ABCC10: variants seen among roughly 807,000 people sequenced by gnomAD.
The protein encoded by ABCC10 is ATP-binding cassette sub-family C member 10.
In ABCC10, 110 loss-of-function variants were observed where a neutral mutation model predicts 143.2. That is an observed-to-expected ratio of 0.77 (90% confidence interval 0.66 to 0.90). The LOEUF (loss-of-function observed/expected upper bound fraction) is 0.90. Among genes scored for constraint, ABCC10 ranks in the 40% least tolerant of loss-of-function variants. The pLI is 0.00. For synonymous variants in ABCC10, 805 were observed against 846.7 expected, an observed-to-expected ratio of 0.95 and a Z score of 0.85; for missense variants, 1,700 against 1,900.5, an observed-to-expected ratio of 0.89 and a Z score of 1.96.
chr6:43,434,827 G>T lies in ABCC10; in HGVS notation c.1587G>T (p.Gly529=), dbSNP rs73424616. 542 of 1,614,012 alleles carry T rather than the reference G, an allele frequency of 3.4e-4. 3 individuals are homozygous for T. The African/African-American group carries it at 5.8e-3, about 17-fold the overall frequency. The change falls in exon 4 of 22, where the codon GGG becomes GGT. Residue 529 remains glycine (G), a synonymous_variant. Coordinates refer to ENST00000372530, the MANE Select transcript of ABCC10 (RefSeq NM_001198934.2). ...IVIFITYVLM[G]HQLTATKVFT... The stretch of plus-strand genomic sequence containing the variant: ...TCTTCATCACCTATGTCCTCATGGG[G>T]CACCAGCTCACTGCCACCAAGGTGA...
At chr6:43,430,779 G>A (rs1024937983) in intron 2 of ABCC10, 1 of 148,246 alleles carries the variant, frequency 6.7e-6, no homozygotes, top group Non-Finnish European at 1.5e-5. Flanking sequence ...CTGGAGTACA[G>A]TGGCACGATC....
rs1349639824 is a variant in ABCC10, at chr6:43,437,986, T to C, written c.1928T>C (p.Leu643Pro). Residue 643 changes from leucine to proline, a missense_variant, in exon 7 of 22, where the codon CTG (leucine) becomes CCG (proline). By Grantham distance (98) the Leu-to-Pro change is moderately conservative (BLOSUM62 -3). Transcript: ENST00000372530. ...GTCGGCTGTGGGAAGAGCTCCCTGC[T>C]GGCTGCCATCGCTGGAGAGCTCCAC... The part of the protein sequence containing the change: ...GKVGCGKSSL[L>P]AAIAGELHRL... 1 of 1,613,294 alleles carries C rather than the reference T, an allele frequency of 6.2e-7. No individual in the cohort carries two copies. The highest frequency in any genetic ancestry group is 1.3e-5 in the African/African-American group (1 of 75,054).
At position 43,441,926 on chromosome 6, in the gene ABCC10, G is replaced by A. The variant is rs202093450; in HGVS notation, c.2192G>A (p.Arg731His). Residue 731 changes from arginine to histidine, a missense_variant, in exon 9 of 22, where the codon CGT becomes CAT. Transcript: ENST00000372530. Reference sequence around the variant, plus strand: ...GGTGTCACCCTTAGCGGAGGACAGCGTGCCCGGATTGCCCTTGCTCGTGCT... The same window carrying A: ...GGTGTCACCCTTAGCGGAGGACAGCATGCCCGGATTGCCCTTGCTCGTGCT... Reference protein sequence around the residue: ...EKGVTLSGGQRARIALARAVY... With the variant: ...EKGVTLSGGQHARIALARAVY... 66 of 1,613,838 alleles carry A rather than the reference G, an allele frequency of 4.1e-5. No individual in the cohort carries two copies. The highest frequency in any genetic ancestry group is 3.1e-4 in the South Asian group (28 of 91,078).
chr6:43,450,464 G>A (rs1291286116), downstream of ABCC10: 1 of 1,480,624 alleles, frequency 6.8e-7, no homozygotes, highest in African/African-American at 1.4e-5. This position sits in a 1 kb window ranked among gnomAD's most constrained non-coding sequence, Gnocchi z 4.5. Flanking sequence ...CCAAGCTGAA[G>A]GGTGGTGAGA....
Position 43,450,075 on chromosome 6 carries a change from C to T in ABCC10, c.4463C>T (p.Ser1488Leu). 1 of 1,603,682 alleles carries T rather than the reference C, an allele frequency of 6.2e-7. No homozygotes were observed. The highest frequency in any genetic ancestry group is 2.2e-5 in the East Asian group (1 of 44,738). Residue 1488 changes from serine (S) to leucine (L), a missense_variant, in exon 22 of 22, where the codon TCA (serine) becomes TTA (leucine). By Grantham distance (145) the Ser-to-Leu change is moderately radical. Transcript: ENST00000372530. The surrounding 1 kb of genome is among the most constrained non-coding windows in gnomAD (Gnocchi z 4.5). ...AGCAGCCAGCAGGGAGTCCCTGCCT[C>T]ACTCGGAGGTCCCTGAGCCCAATCC... Reference protein sequence around the residue: ...LQSSQQGVPASLGGP With the variant: ...LQSSQQGVPALLGGP
At position 43,449,130 on chromosome 6, in the gene ABCC10, G is replaced by A. The variant is rs779237275; in HGVS notation, c.4129G>A (p.Glu1377Lys). ...SMGGLDGELG[E>K]GGRSLSLGQR... ...AGGTGGTCTGGATGGTGAGCTGGGT[G>A]AGGGGGGCCGGAGCTTATCTCTTGG... Residue 1377 changes from glutamate (E) to lysine (K), a missense_variant, in exon 20 of 22, where the codon GAG becomes AAG. Transcript: ENST00000372530. 5 of 1,614,200 alleles carry A rather than the reference G, an allele frequency of 3.1e-6. No homozygotes were observed. In the South Asian group the frequency reaches 5.5e-5, roughly 18 times the overall value.
chr6:43,451,643 T>A (rs747776877), downstream of ABCC10, among the ~76,000 whole-genome samples: 4 of 152,064 alleles, frequency 2.6e-5, no homozygotes, highest in Non-Finnish European at 5.9e-5. The surrounding 1 kb of genome is among the most constrained non-coding windows in gnomAD (Gnocchi z 4.4). Context: ...CAGGAGAGGA[T>A]GAGGAGAGAC....
At position 43,450,320 on chromosome 6, in the gene ABCC10, G is replaced by A. The variant is rs921920073; in HGVS notation, c.*229G>A. The A allele has an allele frequency of 1.2e-5, 10 of 833,388 alleles. No individual in the cohort carries two copies. Among genetic ancestry groups the A allele is most frequent in the East Asian group, 2.9e-5 (1 of 34,664 alleles). The allele number at this position is 833,388 out of a possible 1,614,324, so 51.6% of individuals were successfully genotyped here. On this transcript the variant is annotated 3_prime_UTR_variant, in exon 22 of 22. Coordinates refer to ENST00000372530, the MANE Select transcript of ABCC10 (RefSeq NM_001198934.2). This position sits in a 1 kb window ranked among gnomAD's most constrained non-coding sequence, Gnocchi z 4.5. ...GCTCTGGCCCTCTTGCATCTGGAAC[G>A]CCAGGTGGGTTTTTCTGGCATAGGA... is the stretch of plus-strand genomic sequence containing the variant.
chr6:43,438,660 G>A lies in ABCC10; in HGVS notation c.1992G>A (p.Lys664=). The A allele has an allele frequency of 6.2e-7, 1 of 1,614,182 alleles. No homozygotes were observed. Among genetic ancestry groups the A allele is most frequent in the Non-Finnish European group, 8.5e-7 (1 of 1,180,036 alleles). ...RGHVAVRGLS[K]GFGLATQEPW... is the part of the protein sequence containing the mutation. The stretch of plus-strand genomic sequence containing the variant: ...ATGTGGCAGTGCGGGGGCTGTCCAA[G>A]GGCTTTGGCCTGGCCACCCAGGAAC... The change falls in exon 8 of 22, where the codon AAG becomes AAA. Residue 664 remains lysine, a synonymous_variant. Transcript: ENST00000372530.
In ABCC10 at chr6:43,445,810, T is replaced by C; in HGVS notation, c.3242T>C (p.Val1081Ala). 6.2e-7 allele frequency: 1 copy of C among 1,614,086 alleles called. No individual in the cohort carries two copies. Among genetic ancestry groups the C allele is most frequent in the Non-Finnish European group, 8.5e-7 (1 of 1,180,022 alleles). The change falls in exon 15 of 22, where the codon GTG becomes GCG. Residue 1081 changes from valine to alanine, a missense_variant. By Grantham distance (64) the Val-to-Ala change is moderately conservative. Transcript: ENST00000372530. ...CCTTTGAGCATCATGTACTATCACG[T>C]GCAGCGCCACTACAGGGCCTCCTCA... ...LPPLSIMYYH[V>A]QRHYRASSRE... is the part of the protein sequence containing the mutation.
rs112626300 is a variant in ABCC10 at position 43,432,795 on chromosome 6, G to A, written c.815G>A (p.Arg272Gln). The change falls in exon 3 of 22, where the codon CGG becomes CAG. Residue 272 changes from arginine to glutamine, a missense_variant. Arg to Gln is a conservative substitution (Grantham distance 43). Transcript: ENST00000372530. ...CAGGCACACTGGCAGGAGGGGGCAC[G>A]GCTGTGGAGGGCCTTGTATGGGGCC... is the stretch of plus-strand genomic sequence containing the variant. Reference protein sequence around the residue: ...VFQAHWQEGARLWRALYGAFG... With the variant: ...VFQAHWQEGAQLWRALYGAFG... 18 of 1,614,178 alleles carry A rather than the reference G, an allele frequency of 1.1e-5. No homozygotes were observed. Among genetic ancestry groups the A allele is most frequent in the African/African-American group, 1.1e-4 (8 of 75,060 alleles).
intron 6 of ABCC10, 82 bp from the exon 7 acceptor site, chr6:43,437,852 G>C: frequency 7.2e-7 from 1 of 1,396,482 alleles, no homozygotes. Context: ...AGGACTGGCA[G>C]CCCAGAGTGT....
chr6:43,449,379 C>T, intron 20 of ABCC10, 43 bp from the exon 21 acceptor site: 1 of 1,542,396 alleles, frequency 6.5e-7, no homozygotes. Flanking sequence ...CACCCTGCAG[C>T]CTCTCCTTCC....
chr6:43,450,163 G>A lies in ABCC10; in HGVS notation c.*72G>A. ...CCGGGCCTATACAGAGGTGCTGGCT[G>A]CTTGTTTACATTCTCCTCTGGGGCT... On this transcript the variant is annotated 3_prime_UTR_variant, in exon 22 of 22. Transcript: ENST00000372530. This position sits in a 1 kb window ranked among gnomAD's most constrained non-coding sequence, Gnocchi z 4.5. The A allele has an allele frequency of 3.4e-6, 5 of 1,483,210 alleles. No individual in the cohort carries two copies. The highest frequency in any genetic ancestry group is 4.5e-6 in the Non-Finnish European group (5 of 1,101,570). 91.9% of individuals were successfully genotyped at this position (1,483,210 alleles called of 1,614,324 possible). A position where few individuals can be genotyped will look rare whatever the true frequency, so the allele number is the denominator to read the frequency against.
Position 43,443,959 on chromosome 6 carries a change from G to A in ABCC10, c.2443G>A (p.Val815Ile). 1 of 1,614,134 alleles carries A rather than the reference G, an allele frequency of 6.2e-7. No homozygotes were observed. Among genetic ancestry groups the A allele is most frequent in the Non-Finnish European group, 8.5e-7 (1 of 1,179,978 alleles). The change falls in exon 11 of 22, where the codon GTA becomes ATA. Residue 815 changes from valine to isoleucine, a missense_variant. Val to Ile is a conservative substitution (Grantham distance 29). Transcript: ENST00000372530. This position sits in a 1 kb window ranked among gnomAD's most constrained non-coding sequence, Gnocchi z 4.2. ...ACCTCCCTCTGAGATTCTGCCACTGGTACAAGCTGTCCCCAAAGCCTGGGC... is the reference window on the plus strand; with the variant it reads ...ACCTCCCTCTGAGATTCTGCCACTGATACAAGCTGTCCCCAAAGCCTGGGC... ...AGPPSEILPL[V>I]QAVPKAWAEN...
intron 8 of ABCC10, 63 bp from the exon 9 acceptor site, chr6:43,441,799 G>T (rs944171175): frequency 7.3e-7 from 1 of 1,376,568 alleles, no homozygotes. Context: ...CCTGCAAAGG[G>T]ATAGGAAGTG....
chr6:43,445,386 G>T, intron 14 of ABCC10, 72 bp downstream of exon 14: 1 of 1,506,528 alleles, frequency 6.6e-7, no homozygotes, highest in South Asian at 1.2e-5. Flanking sequence ...CAATACTCGG[G>T]CTCCACTGGG....
chr6:43,440,177 G>A (rs545995714), intron 8 of ABCC10, among the ~76,000 whole-genome samples: 6 of 149,562 alleles, frequency 4.0e-5, no homozygotes, highest in East Asian at 2.1e-4. Context: ...GGCTGGTCTC[G>A]AACTGTTGGG....
intron 7 of ABCC10, 91 bp downstream of exon 7, chr6:43,438,104 G>C: frequency 2.1e-6 from 3 of 1,400,686 alleles, no homozygotes; most frequent in Middle Eastern, 3.6e-4. Flanking sequence ...TGGGGGTCAG[G>C]GGTACTAAGA....
Sources: allele counts gnomAD v4.1 joint callset (sites outside exome capture counted in the v4.1 genomes callset), GRCh38; gene constraint gnomAD v4.1.1; non-coding constraint Gnocchi (gnomAD v3.1); transcripts MANE v1.5; gene names NCBI Gene and HGNC (gene_info 2026-07-23, HGNC 2026-07-21).